MAGI1: variants seen among roughly 807,000 people sequenced by gnomAD.
MAGI1 encodes membrane-associated guanylate kinase, WW and PDZ domain-containing protein 1.
In MAGI1, 58 loss-of-function variants were observed where a neutral mutation model predicts 139.9. The observed-to-expected ratio is 0.41, with a 90% confidence interval of 0.34 to 0.52. The LOEUF (loss-of-function observed/expected upper bound fraction) is 0.52. MAGI1 is among the 20% of genes least tolerant of loss of function. MAGI1 has a pLI of 0.12. For missense variants in MAGI1, 1,874 were observed against 1,901.6 expected (o/e 0.99, Z 0.27); for synonymous variants, 812 against 737.9 (o/e 1.10, Z -1.63).
chr3:65,942,004 CTT>C (rs2106846781), intron 1 of MAGI1, among the ~76,000 whole-genome samples: 1 of 152,254 alleles, frequency 6.6e-6, no homozygotes, highest in East Asian at 1.9e-4. Context: ...CCAGGTTGGT[CTT>C]GAACTCCTGG....
At chr3:65,829,391 G>T (rs2042404202) in intron 1 of MAGI1, among the ~76,000 whole-genome samples, 1 of 152,150 alleles carries the variant, frequency 6.6e-6, no homozygotes, top group African/African-American at 2.4e-5. Context: ...TCTGGGAAGA[G>T]ATGAGGTCAT....
At chr3:65,562,499 G>GT (rs1322700647) in intron 2 of MAGI1, among the ~76,000 whole-genome samples, 3 of 152,014 alleles carry the variant, frequency 2.0e-5, no homozygotes, top group African/African-American at 7.2e-5. Flanking sequence ...TTTTGTTTTT[G>GT]TTTTTTAGAG....
intron 3 of MAGI1, among the ~76,000 whole-genome samples, chr3:65,483,397 C>T (rs1425206268): frequency 6.6e-6 from 1 of 152,220 alleles, no homozygotes; most frequent in Admixed American, 6.5e-5. Flanking sequence ...AAGTATTCCA[C>T]CTTTGCAATG....
chr3:65,524,828 T>C (rs371181562), intron 2 of MAGI1, among the ~76,000 whole-genome samples: 33 of 152,278 alleles, frequency 2.2e-4, no homozygotes, highest in South Asian at 1.0e-3. Context: ...CTCTGGAGGT[T>C]GGATCTCATC....
intron 9 of MAGI1, among the ~76,000 whole-genome samples, 155 bp from the exon 10 acceptor site, chr3:65,437,402 CTCTTT>C (rs1947929081): frequency 5.5e-5 from 1 of 18,178 alleles, no homozygotes. Flanking sequence ...TTCTATGAAG[CTCTTT>C]TTTTTTTTTT....
At chr3:65,462,523 CTTGTAGTATAG>C (rs1398605280) in intron 5 of MAGI1, among the ~76,000 whole-genome samples, 2 of 152,102 alleles carry the variant, frequency 1.3e-5, no homozygotes, top group Non-Finnish European at 2.9e-5. Context: ...TTACTGTAGC[CTTGTAGTATAG>C]TTTAAAGTCA....
At chr3:65,916,871 C>T (rs2061933230) in intron 1 of MAGI1, among the ~76,000 whole-genome samples, 1 of 152,208 alleles carries the variant, frequency 6.6e-6, no homozygotes, top group South Asian at 2.1e-4. Flanking sequence ...TAGGAGAAGA[C>T]AGTTGTCAGG....
chr3:65,652,195 T>C (rs2085623418), intron 1 of MAGI1, among the ~76,000 whole-genome samples: 1 of 152,226 alleles, frequency 6.6e-6, no homozygotes, highest in Admixed American at 6.5e-5. Flanking sequence ...AGGGGGTAGA[T>C]AAATAATTCA....
At chr3:65,939,320 T>C (rs2063201756) in intron 1 of MAGI1, among the ~76,000 whole-genome samples, 1 of 152,154 alleles carries the variant, frequency 6.6e-6, no homozygotes, top group Admixed American at 6.6e-5. Context: ...TCCTCATTAT[T>C]AAAAAATATA....
chr3:65,631,052 T>C (rs1017334969), intron 1 of MAGI1, among the ~76,000 whole-genome samples: 2 of 152,184 alleles, frequency 1.3e-5, no homozygotes, highest in African/African-American at 4.8e-5. Flanking sequence ...CGCAGGGTCA[T>C]GTGTAGAGGT....
intron 1 of MAGI1, among the ~76,000 whole-genome samples, chr3:65,724,932 G>T (rs9863366): frequency 1.3e-5 from 2 of 151,832 alleles, no homozygotes; most frequent in African/African-American, 4.8e-5. Flanking sequence ...ACACTCGGGG[G>T]TTATGGGCAC....
intron 2 of MAGI1, among the ~76,000 whole-genome samples, chr3:65,598,536 G>A (rs932400050): frequency 6.6e-6 from 1 of 152,202 alleles, no homozygotes; most frequent in African/African-American, 2.4e-5. Flanking sequence ...TAACTCTTAT[G>A]TTTGAAATAA....
chr3:65,728,908 C>T (rs1576912092), intron 1 of MAGI1, among the ~76,000 whole-genome samples: 1 of 151,906 alleles, frequency 6.6e-6, no homozygotes, highest in Non-Finnish European at 1.5e-5. Context: ...CTAATCAATA[C>T]TCATATGACA....
intron 1 of MAGI1, among the ~76,000 whole-genome samples, chr3:65,887,197 C>G (rs1202040966): frequency 6.6e-6 from 1 of 151,802 alleles, no homozygotes; most frequent in African/African-American, 2.4e-5. Context: ...AAATATATCC[C>G]AAACTGGTTG....
intron 1 of MAGI1, among the ~76,000 whole-genome samples, chr3:65,848,662 A>G (rs1478562451): frequency 4.6e-5 from 7 of 152,118 alleles, no homozygotes; most frequent in Admixed American, 3.9e-4. Context: ...TAAGAGATGA[A>G]AAACCTATAG....
intron 2 of MAGI1, among the ~76,000 whole-genome samples, chr3:65,508,488 AAT>A (rs1280823717): frequency 6.6e-6 from 1 of 152,186 alleles, no homozygotes; most frequent in African/African-American, 2.4e-5. Context: ...ATATAAAGAC[AAT>A]AGTCTTTAAA....
intron 1 of MAGI1, among the ~76,000 whole-genome samples, chr3:65,770,761 T>C (rs2037883544): frequency 6.6e-6 from 1 of 152,128 alleles, no homozygotes; most frequent in Non-Finnish European, 1.5e-5. Context: ...CAATCTCAGC[T>C]CACTGCAACC....
intron 2 of MAGI1, among the ~76,000 whole-genome samples, chr3:65,504,815 C>G (rs1487911087): frequency 6.6e-6 from 1 of 152,196 alleles, no homozygotes; most frequent in Non-Finnish European, 1.5e-5. Flanking sequence ...ACAGGAAAGT[C>G]AACCTGAACA....
intron 1 of MAGI1, among the ~76,000 whole-genome samples, chr3:65,675,629 T>G (rs923458736): frequency 6.6e-6 from 1 of 152,128 alleles, no homozygotes; most frequent in African/African-American, 2.4e-5. Context: ...ATTCAAAAAT[T>G]CAAGGAGCCA....
Sources: allele counts gnomAD v4.1 joint callset (sites outside exome capture counted in the v4.1 genomes callset), GRCh38; gene constraint gnomAD v4.1.1; transcripts MANE v1.5; gene names NCBI Gene and HGNC (gene_info 2026-07-23, HGNC 2026-07-21).